Variants in KCNIP4 observed in about 807,000 individuals in gnomAD.
KCNIP4 encodes potassium voltage-gated channel interacting protein 4.
Under a neutral mutation model 34.0 loss-of-function variants are expected in KCNIP4, and 12 were observed. The observed-to-expected ratio is 0.35, with a 90% CI of 0.23 to 0.57. The LOEUF (loss-of-function observed/expected upper bound fraction) is 0.57. Ranked by LOEUF, KCNIP4 falls within the 20% of genes least tolerant of loss-of-function variation. KCNIP4 has a pLI of 0.83. For synonymous variants in KCNIP4, 124 were observed against 102.2 expected, an observed-to-expected ratio of 1.21 and a Z score of -1.29; for missense variants, 238 against 311.7, an observed-to-expected ratio of 0.76 and a Z score of 1.78.
chr4:21,553,945 A>G (rs1738782713), intron 1 of KCNIP4, among the ~76,000 whole-genome samples: 1 of 152,120 alleles, frequency 6.6e-6, no homozygotes, highest in Non-Finnish European at 1.5e-5. Flanking sequence ...CTCAGGCTTA[A>G]GAGAGTGACA....
chr4:21,444,713 C>G (rs147614668), intron 1 of KCNIP4, among the ~76,000 whole-genome samples: 17,795 of 152,114 alleles, frequency 0.12, 1,145 homozygotes, highest in East Asian at 0.18. Flanking sequence ...TGAAAACTGG[C>G]ACAAGACAGG....
At chr4:20,936,414 G>GTTT (rs10676973) in intron 1 of KCNIP4, among the ~76,000 whole-genome samples, 9,375 of 150,094 alleles carry the variant, frequency 0.062, 286 homozygotes, top group Middle Eastern at 0.13. Context: ...TAAAAGATAT[G>GTTT]TTTTTTTTTT....
At chr4:21,314,076 T>C (rs1202353264) in intron 1 of KCNIP4, among the ~76,000 whole-genome samples, 1 of 152,218 alleles carries the variant, frequency 6.6e-6, no homozygotes, top group Non-Finnish European at 1.5e-5. Context: ...TGTAGTTTTA[T>C]GACTGAGTTC....
intron 1 of KCNIP4, among the ~76,000 whole-genome samples, chr4:21,894,753 T>C (rs541700949): frequency 6.6e-6 from 1 of 152,370 alleles, no homozygotes; most frequent in East Asian, 1.9e-4. Context: ...CAACAGAAGT[T>C]GGTTTTTTTC....
chr4:21,165,968 A>T (rs1447125872), intron 1 of KCNIP4, among the ~76,000 whole-genome samples: 3 of 152,164 alleles, frequency 2.0e-5, no homozygotes, highest in Non-Finnish European at 4.4e-5. Context: ...AGGACACAGT[A>T]TTTATTCCTC....
chr4:21,020,523 A>G (rs889670604), intron 1 of KCNIP4, among the ~76,000 whole-genome samples: 2 of 152,162 alleles, frequency 1.3e-5, no homozygotes, highest in Non-Finnish European at 2.9e-5. Flanking sequence ...ACCAAACTTC[A>G]TGACGTACCC....
At chr4:20,858,715 A>G (rs1451804861) in intron 2 of KCNIP4, among the ~76,000 whole-genome samples, 1 of 152,218 alleles carries the variant, frequency 6.6e-6, no homozygotes, top group Non-Finnish European at 1.5e-5. Context: ...ACTGAGCACT[A>G]TGCTGGGAAT....
chr4:21,130,210 T>C lies in KCNIP4; in HGVS notation c.62-247501A>G, dbSNP rs79969770. ...GCTACATTAGAATCACCTCGCAAAA[T>C]TGTAAAAGTTGCAGATACCTAGGCA... On this transcript the variant is annotated intron_variant, in intron 1 of 8. Transcript: ENST00000382152. Among the ~76,000 whole-genome samples, 283 of 152,220 alleles carry C rather than the reference T, an allele frequency of 1.9e-3. 2 individuals are homozygous for C. Among genetic ancestry groups the C allele is most frequent in the African/African-American group, 6.1e-3 (255 of 41,542 alleles).
At chr4:21,210,429 G>A (rs1236360192) in intron 1 of KCNIP4, among the ~76,000 whole-genome samples, 1 of 152,080 alleles carries the variant, frequency 6.6e-6, no homozygotes, top group African/African-American at 2.4e-5. Context: ...AAAGCTAGAA[G>A]TCTATTATTT....
At chr4:20,990,295 C>T (rs186330808) in intron 1 of KCNIP4, among the ~76,000 whole-genome samples, 1 of 152,352 alleles carries the variant, frequency 6.6e-6, no homozygotes. Flanking sequence ...TCCAGATGAA[C>T]TTTCTGCTCA....
intron 3 of KCNIP4, among the ~76,000 whole-genome samples, chr4:20,798,019 A>C (rs1018069626): frequency 2.0e-5 from 3 of 152,250 alleles, no homozygotes; most frequent in African/African-American, 4.8e-5. Flanking sequence ...AATAGAAAAC[A>C]AATTCACATG....
At chr4:21,615,532 C>T (rs958434605) in intron 1 of KCNIP4, among the ~76,000 whole-genome samples, 20 of 149,746 alleles carry the variant, frequency 1.3e-4, no homozygotes, top group African/African-American at 4.4e-4. Context: ...GGCTACAGGG[C>T]GAGACTCCGC....
At chr4:21,697,753 C>T in intron 1 of KCNIP4, 2 of 932,298 alleles carry the variant, frequency 2.1e-6, no homozygotes, top group Non-Finnish European at 2.7e-6. Context: ...TTCGGCTCGG[C>T]ATCCCCTCTC....
At chr4:21,531,483 C>T (rs1022060478) in intron 1 of KCNIP4, among the ~76,000 whole-genome samples, 4 of 151,874 alleles carry the variant, frequency 2.6e-5, no homozygotes, top group Non-Finnish European at 5.9e-5. Flanking sequence ...TTAAACAATT[C>T]TCCTGCCTCA....
At chr4:21,275,395 G>C (rs1292595374) in intron 1 of KCNIP4, among the ~76,000 whole-genome samples, 1 of 152,144 alleles carries the variant, frequency 6.6e-6, no homozygotes, top group Non-Finnish European at 1.5e-5. Context: ...TGGATTAATA[G>C]GTCTATAAAA....
At chr4:21,755,444 C>G (rs1006031923) in intron 1 of KCNIP4, among the ~76,000 whole-genome samples, 1 of 152,116 alleles carries the variant, frequency 6.6e-6, no homozygotes, top group African/African-American at 2.4e-5. Flanking sequence ...AAAACAGCAG[C>G]GCTGCACATC....
chr4:20,770,690 T>C (rs1464841075), intron 3 of KCNIP4, among the ~76,000 whole-genome samples: 1 of 151,906 alleles, frequency 6.6e-6, no homozygotes, highest in Non-Finnish European at 1.5e-5. Flanking sequence ...TCCCAGAACT[T>C]TGGGAGGCTG....
At chr4:21,501,688 T>TGTGTGTGTGTGTGTGTGTGTGTG (rs1553893355) in intron 1 of KCNIP4, among the ~76,000 whole-genome samples, 3 of 127,218 alleles carry the variant, frequency 2.4e-5, no homozygotes, top group Non-Finnish European at 3.3e-5. Flanking sequence ...TGCAGAAGCC[T>TGTGTGTGTGTGTGTGTGTGTGTG]TGTGTGTGTG....
At chr4:21,762,514 T>G (rs1040779227) in intron 1 of KCNIP4, among the ~76,000 whole-genome samples, 1 of 152,188 alleles carries the variant, frequency 6.6e-6, no homozygotes, top group Non-Finnish European at 1.5e-5. Flanking sequence ...AAATCTGGGC[T>G]GCCTTTAACT....
Sources: allele counts gnomAD v4.1 joint callset (sites outside exome capture counted in the v4.1 genomes callset), GRCh38; gene constraint gnomAD v4.1.1; transcripts MANE v1.5; gene names NCBI Gene and HGNC (gene_info 2026-07-23, HGNC 2026-07-21).